CFAP299: variants seen among roughly 807,000 people sequenced by gnomAD.
CFAP299 encodes the protein cilia and flagella associated protein 299, also known as cilia- and flagella-associated protein 299.
In CFAP299, 21 loss-of-function variants were observed where a neutral mutation model predicts 27.0. That is an observed-to-expected ratio of 0.78 (90% CI 0.55 to 1.12). The LOEUF (loss-of-function observed/expected upper bound fraction) is 1.12, where lower values mean the gene tolerates loss of function less well. Ranked by LOEUF, CFAP299 falls within the 50% of genes most tolerant of loss-of-function variation. CFAP299 has a pLI of 0.00. For synonymous variants in CFAP299, 104 were observed against 98.1 expected, an observed-to-expected ratio of 1.06 and a Z score of -0.36; for missense variants, 310 against 276.6, an observed-to-expected ratio of 1.12 and a Z score of -0.86.
chr4:80,602,964 C>T (rs1470162956), intron 3 of CFAP299, among the ~76,000 whole-genome samples: 1 of 152,032 alleles, frequency 6.6e-6, no homozygotes, highest in Non-Finnish European at 1.5e-5. Flanking sequence ...TCTCTTGATG[C>T]CCCCCATGCT....
intron 2 of CFAP299, among the ~76,000 whole-genome samples, chr4:80,417,595 T>A (rs1251022851): frequency 6.6e-6 from 1 of 152,190 alleles, no homozygotes; most frequent in Non-Finnish European, 1.5e-5. Flanking sequence ...AACAGATGGA[T>A]TAGCCCTTTG....
At position 80,398,697 on chromosome 4, in the gene CFAP299, G is replaced by A. The variant is rs549639256; in HGVS notation, c.242+35813G>A. 2.6e-5 allele frequency among the ~76,000 whole-genome samples: 4 copies of A among 152,296 alleles called. No homozygotes were observed. The South Asian group carries it at 6.2e-4, about 24-fold the overall frequency. On this transcript the variant is annotated intron_variant, in intron 2 of 5. Coordinates refer to ENST00000358105, the MANE Select transcript of CFAP299 (RefSeq NM_152770.3). ...CTTATACTAAAATTAATTCAAGATG[G>A]ATTGAAGACTTAAATGTTAGACATA... is the stretch of plus-strand genomic sequence containing the variant.
chr4:80,447,123 TTTTTTTG>T lies in CFAP299; in HGVS notation c.242+84246_242+84252del, dbSNP rs1442806106. On this transcript the variant is annotated intron_variant, in intron 2 of 5. Coordinates refer to ENST00000358105, the MANE Select transcript of CFAP299 (RefSeq NM_152770.3). ...TTTTGTTTTTGCTTTTTATTTGTTT[TTTTTTTG>T]TTTTTTTTTTTTTTTTTTTTTTTGA... is the stretch of plus-strand genomic sequence containing the variant. Among the ~76,000 whole-genome samples the T allele has an allele frequency of 1.3e-3, 163 of 122,150 alleles. 2 individuals carry two copies. The highest frequency in any genetic ancestry group is 5.1e-3 in the African/African-American group (153 of 29,780). The allele number at this position is 122,150 out of a possible 152,430, so 80.1% of individuals were successfully genotyped here.
At chr4:80,933,277 C>A (rs1736721081) in intron 4 of CFAP299, among the ~76,000 whole-genome samples, 1 of 151,934 alleles carries the variant, frequency 6.6e-6, no homozygotes, top group Non-Finnish European at 1.5e-5. Flanking sequence ...ACGTATTCAT[C>A]CCTTTGACCA....
At chr4:80,364,452 T>C (rs1230852235) in intron 2 of CFAP299, among the ~76,000 whole-genome samples, 3 of 152,172 alleles carry the variant, frequency 2.0e-5, no homozygotes, top group African/African-American at 7.2e-5. Flanking sequence ...AGAAGGTTCT[T>C]TCCTGACTCT....
intron 2 of CFAP299, among the ~76,000 whole-genome samples, chr4:80,542,844 G>A (rs757866463): frequency 2.0e-5 from 3 of 151,914 alleles, no homozygotes; most frequent in Non-Finnish European, 4.4e-5. Context: ...CCCCTTTGGA[G>A]CATATTTGCC....
At chr4:80,903,396 A>G (rs1735024356) in intron 4 of CFAP299, among the ~76,000 whole-genome samples, 1 of 152,114 alleles carries the variant, frequency 6.6e-6, no homozygotes, top group African/African-American at 2.4e-5. Flanking sequence ...CAGTTACATA[A>G]AAGAAAATTG....
intron 3 of CFAP299, among the ~76,000 whole-genome samples, chr4:80,604,872 C>T (rs1361909960): frequency 7.9e-6 from 1 of 126,772 alleles, no homozygotes; most frequent in Non-Finnish European, 1.6e-5. Context: ...CACTTGTCCC[C>T]AGAGGACAAT....
At chr4:80,346,891 C>T (rs1722758880) in intron 1 of CFAP299, among the ~76,000 whole-genome samples, 1 of 152,172 alleles carries the variant, frequency 6.6e-6, no homozygotes, top group African/African-American at 2.4e-5. Flanking sequence ...AATATTGATT[C>T]TTCCTATCCG....
At chr4:80,537,823 A>G (rs915378554) in intron 2 of CFAP299, among the ~76,000 whole-genome samples, 2 of 150,146 alleles carry the variant, frequency 1.3e-5, no homozygotes, top group African/African-American at 5.0e-5. Context: ...TAGATCTTAA[A>G]TGTTCTCTCC....
chr4:80,400,812 G>T (rs1185412392), intron 2 of CFAP299, among the ~76,000 whole-genome samples: 1 of 152,210 alleles, frequency 6.6e-6, no homozygotes, highest in African/African-American at 2.4e-5. Context: ...CTCAGAAAAA[G>T]TCAGGAAAAT....
At chr4:80,646,888 G>A (rs1410092328) in intron 3 of CFAP299, among the ~76,000 whole-genome samples, 1 of 151,888 alleles carries the variant, frequency 6.6e-6, no homozygotes, top group Non-Finnish European at 1.5e-5. Context: ...CGTATTCTTC[G>A]ATCTGGCAGT....
At chr4:80,713,713 G>T (rs894886574) in intron 3 of CFAP299, among the ~76,000 whole-genome samples, 1 of 152,196 alleles carries the variant, frequency 6.6e-6, no homozygotes, top group Non-Finnish European at 1.5e-5. Context: ...CTCAAAGCCA[G>T]ATCTTCTTTA....
At chr4:80,963,405 A>G in intron 5 of CFAP299, 112 bp from the exon 6 acceptor site, 4 of 667,310 alleles carry the variant, frequency 6.0e-6, no homozygotes. Context: ...CCGTGGAAAC[A>G]AACTTGCTAG....
intron 3 of CFAP299, among the ~76,000 whole-genome samples, chr4:80,659,798 T>C (rs1381488152): frequency 6.6e-6 from 1 of 152,148 alleles, no homozygotes; most frequent in Non-Finnish European, 1.5e-5. Context: ...TTTGTATTTC[T>C]GCATGAATTT....
chr4:80,621,006 CCTAT>C (rs1214346947), intron 3 of CFAP299, among the ~76,000 whole-genome samples: 1 of 151,994 alleles, frequency 6.6e-6, no homozygotes, highest in African/African-American at 2.4e-5. Flanking sequence ...TACCTAACAG[CCTAT>C]CTTTTTTTTT....
chr4:80,624,156 T>A (rs1038531), intron 3 of CFAP299, among the ~76,000 whole-genome samples: 144,853 of 152,250 alleles, frequency 0.95, 68,976 homozygotes, highest in East Asian at 1. Flanking sequence ...CCATTGACTG[T>A]TCCTAAAAAT....
intron 1 of CFAP299, among the ~76,000 whole-genome samples, chr4:80,348,270 T>C (rs1010615138): frequency 6.6e-6 from 1 of 152,136 alleles, no homozygotes; most frequent in African/African-American, 2.4e-5. Flanking sequence ...CCAAAAGCAA[T>C]TGCAGCAAAA....
intron 2 of CFAP299, among the ~76,000 whole-genome samples, chr4:80,529,614 T>G (rs1733366353): frequency 6.6e-6 from 1 of 152,192 alleles, no homozygotes; most frequent in Non-Finnish European, 1.5e-5. Flanking sequence ...ATCCTGAAAT[T>G]TAGCAAGAGT....
Sources: allele counts gnomAD v4.1 joint callset (sites outside exome capture counted in the v4.1 genomes callset), GRCh38; gene constraint gnomAD v4.1.1; transcripts MANE v1.5; gene names NCBI Gene and HGNC (gene_info 2026-07-23, HGNC 2026-07-21).